Variants in CLNK observed in about 807,000 individuals in gnomAD.
CLNK encodes the protein cytokine dependent hematopoietic cell linker.
Under a neutral mutation model 68.6 loss-of-function variants are expected in CLNK, and 74 were observed. That is an observed-to-expected ratio of 1.08 (90% CI 0.89 to 1.31). CLNK has a LOEUF of 1.31. Among genes scored for constraint, CLNK ranks in the 50% most tolerant of loss-of-function variants. CLNK has a pLI of 0.00. For missense variants in CLNK, 553 were observed against 515.3 expected, an observed-to-expected ratio of 1.07 and a Z score of -0.71; for synonymous variants, 198 against 172.2, an observed-to-expected ratio of 1.15 and a Z score of -1.17.
At chr4:10,677,769 T>G (rs1166451235) in intron 1 of CLNK, among the ~76,000 whole-genome samples, 1 of 152,040 alleles carries the variant, frequency 6.6e-6, no homozygotes, top group Non-Finnish European at 1.5e-5. Flanking sequence ...TAAACCTCTT[T>G]CCGTTATAAA....
intron 5 of CLNK, among the ~76,000 whole-genome samples, chr4:10,570,369 T>A (rs4698072): frequency 0.019 from 2,897 of 152,246 alleles, 92 homozygotes; most frequent in Admixed American, 0.095. Context: ...GGAGTAAATG[T>A]AAGTGTTTTG....
chr4:10,592,761 T>C (rs542401536), intron 3 of CLNK, among the ~76,000 whole-genome samples: 62 of 152,266 alleles, frequency 4.1e-4, no homozygotes, highest in African/African-American at 1.4e-3. Context: ...AGTCTCACTC[T>C]GTCGCCCAGG....
chr4:10,637,369 T>A (rs188747138), intron 2 of CLNK, among the ~76,000 whole-genome samples: 1 of 152,040 alleles, frequency 6.6e-6, no homozygotes, highest in Non-Finnish European at 1.5e-5. Flanking sequence ...CCTGGAGAAT[T>A]GCTGTACTCA....
the CLNK span, among the ~76,000 whole-genome samples, chr4:10,713,576 T>G: frequency 6.6e-6 from 1 of 151,960 alleles, no homozygotes; most frequent in African/African-American, 2.4e-5. Context: ...ATGGTTTGAA[T>G]TTTTGTCCCC....
intron 1 of CLNK, among the ~76,000 whole-genome samples, chr4:10,680,765 G>A (rs959691618): frequency 1.3e-5 from 2 of 152,064 alleles, no homozygotes; most frequent in African/African-American, 2.4e-5. Context: ...AGGTTCTGAG[G>A]AGTTAAATAA....
intron 1 of CLNK, among the ~76,000 whole-genome samples, chr4:10,673,823 A>C (rs1185775104): frequency 6.6e-6 from 1 of 151,678 alleles, no homozygotes; most frequent in African/African-American, 2.4e-5. Context: ...TTTCTCCAAC[A>C]GGTCTTACTT....
intron 2 of CLNK, among the ~76,000 whole-genome samples, chr4:10,622,745 A>C (rs1270768359): frequency 1.3e-5 from 2 of 152,240 alleles, no homozygotes; most frequent in African/African-American, 2.4e-5. Flanking sequence ...TTGGGCTGCT[A>C]TAACCGAATA....
intron 4 of CLNK, among the ~76,000 whole-genome samples, chr4:10,575,130 C>T (rs1298801333): frequency 6.6e-6 from 1 of 152,170 alleles, no homozygotes; most frequent in Admixed American, 6.5e-5. Context: ...TGAGTTGAGC[C>T]CAGTCTCTCC....
In CLNK at chr4:10,585,026, C is replaced by T. The variant is rs1043230373; in HGVS notation, c.84-71G>A. On this transcript the variant is annotated intron_variant, in intron 3 of 18. Coordinates refer to ENST00000226951, the MANE Select transcript of CLNK (RefSeq NM_052964.4). ...CCACCGACCCCCCGCCACATAGGAA[C>T]AGGCAGTCATCAAACGTCATTGTAC... 4 of 1,531,120 alleles carry T rather than the reference C, an allele frequency of 2.6e-6. No homozygotes were observed. The African/African-American group carries it at 4.1e-5, about 16-fold the overall frequency. The allele number at this position is 1,531,120 out of a possible 1,614,324, so 94.8% of individuals were successfully genotyped here. A position where few individuals can be genotyped will look rare whatever the true frequency, so the allele number is the denominator to read the frequency against.
chr4:10,677,603 G>T (rs1447960691), intron 1 of CLNK, among the ~76,000 whole-genome samples: 1 of 151,972 alleles, frequency 6.6e-6, no homozygotes, highest in Admixed American at 6.6e-5. Flanking sequence ...TAGTGGGTGA[G>T]TTCTCACAAG....
intron 2 of CLNK, among the ~76,000 whole-genome samples, chr4:10,622,311 T>C (rs552511681): frequency 2.6e-5 from 4 of 152,316 alleles, no homozygotes; most frequent in African/African-American, 7.2e-5. Flanking sequence ...GGAGGCAAAC[T>C]TGGGTCACCT....
intron 3 of CLNK, among the ~76,000 whole-genome samples, chr4:10,588,529 T>C (rs1467960626): frequency 6.6e-6 from 1 of 152,200 alleles, no homozygotes; most frequent in Non-Finnish European, 1.5e-5. Flanking sequence ...TAACTCGTAT[T>C]CGTGAGCACC....
intron 15 of CLNK, among the ~76,000 whole-genome samples, chr4:10,520,131 CAAAT>C (rs773594089): frequency 6.6e-6 from 1 of 151,792 alleles, no homozygotes; most frequent in Non-Finnish European, 1.5e-5. Flanking sequence ...AAAGGAAAGA[CAAAT>C]GAATATGATG....
At chr4:10,603,280 C>T (rs1721659664) in intron 2 of CLNK, among the ~76,000 whole-genome samples, 1 of 152,144 alleles carries the variant, frequency 6.6e-6, no homozygotes, top group Admixed American at 6.5e-5. Flanking sequence ...TTGGCACAAA[C>T]ATCATGAATA....
At chr4:10,624,437 C>T (rs190842027) in intron 2 of CLNK, among the ~76,000 whole-genome samples, 1 of 152,046 alleles carries the variant, frequency 6.6e-6, no homozygotes, top group East Asian at 1.9e-4. Context: ...GGACTATAGG[C>T]GCCCGCCACC....
At chr4:10,556,197 T>A (rs1046503660) in intron 8 of CLNK, among the ~76,000 whole-genome samples, 5 of 152,268 alleles carry the variant, frequency 3.3e-5, no homozygotes, top group Non-Finnish European at 7.3e-5. Context: ...TTTTTCTTGC[T>A]GTCTCTGAGG....
intron 1 of CLNK, among the ~76,000 whole-genome samples, chr4:10,678,376 G>T (rs1179030923): frequency 6.6e-6 from 1 of 152,138 alleles, no homozygotes; most frequent in East Asian, 1.9e-4. Context: ...TAATTACTGA[G>T]TAATTTCTTT....
At chr4:10,566,983 C>A (rs982852210) in intron 5 of CLNK, among the ~76,000 whole-genome samples, 4 of 151,900 alleles carry the variant, frequency 2.6e-5, no homozygotes, top group Admixed American at 1.3e-4. Context: ...GGAAAGATGA[C>A]TAATGATCAT....
At chr4:10,632,074 G>C (rs1431487287) in intron 2 of CLNK, among the ~76,000 whole-genome samples, 1 of 152,184 alleles carries the variant, frequency 6.6e-6, no homozygotes, top group Non-Finnish European at 1.5e-5. Context: ...TTGGATGACT[G>C]ATAAGCATGT....
Sources: allele counts gnomAD v4.1 joint callset (sites outside exome capture counted in the v4.1 genomes callset), GRCh38; gene constraint gnomAD v4.1.1; transcripts MANE v1.5; gene names NCBI Gene and HGNC (gene_info 2026-07-23, HGNC 2026-07-21).